NT5DC3: variants seen among roughly 807,000 people sequenced by gnomAD.
NT5DC3 encodes 5'-nucleotidase domain containing 3.
A neutral mutation model predicts 67.8 loss-of-function variants in NT5DC3; 42 were observed. The observed-to-expected ratio is 0.62, with a 90% CI of 0.48 to 0.80. The LOEUF (loss-of-function observed/expected upper bound fraction) is 0.80, where lower values mean the gene tolerates loss of function less well. NT5DC3 is among the 30% of genes least tolerant of loss of function. The pLI is 0.00. For synonymous variants in NT5DC3, 237 were observed against 255.6 expected (o/e 0.93, Z 0.69); for missense variants, 570 against 696.4 (o/e 0.82, Z 2.04).
chr12:103,826,510 C>T (rs1013821599), intron 1 of NT5DC3, among the ~76,000 whole-genome samples: 1 of 152,202 alleles, frequency 6.6e-6, no homozygotes, highest in African/African-American at 2.4e-5. Context: ...CAAGGGGCTA[C>T]AAACAATGTG....
intron 2 of NT5DC3, among the ~76,000 whole-genome samples, chr12:103,809,998 C>A (rs1039075400): frequency 3.3e-5 from 5 of 152,168 alleles, no homozygotes; most frequent in Admixed American, 1.3e-4. Flanking sequence ...AACAAGAATC[C>A]TATCCTTTTG....
chr12:103,837,769 T>G (rs1004879886), intron 1 of NT5DC3, among the ~76,000 whole-genome samples: 1 of 152,228 alleles, frequency 6.6e-6, no homozygotes, highest in Non-Finnish European at 1.5e-5. Flanking sequence ...AGCATTTTTG[T>G]CAAAGCCATT....
intron 9 of NT5DC3, among the ~76,000 whole-genome samples, chr12:103,790,463 A>G (rs1374160568): frequency 6.6e-6 from 1 of 151,690 alleles, no homozygotes; most frequent in African/African-American, 2.4e-5. Context: ...TTTAGTAGAA[A>G]TGGGATTTCA....
the NT5DC3 span, chr12:103,749,222 C>T: frequency 2.9e-5 from 43 of 1,486,740 alleles, no homozygotes; most frequent in African/African-American, 5.6e-4. Flanking sequence ...CTTGCCTTTC[C>T]ACCTCCCATA....
In NT5DC3 at chr12:103,834,134, G is replaced by A. The variant is rs1365882546; in HGVS notation, c.208+6815C>T. 1.1e-4 allele frequency among the ~76,000 whole-genome samples: 16 copies of A among 152,114 alleles called. No homozygotes were observed. The South Asian group carries it at 2.9e-3, about 28-fold the overall frequency. The stretch of plus-strand genomic sequence containing the variant: ...TGTGACAAAAAGGTCTCCAGGCATT[G>A]CCAAACATCCCTTGGGGAACAAAAC... On this transcript the variant is annotated intron_variant, in intron 1 of 13. Coordinates refer to ENST00000392876, the MANE Select transcript of NT5DC3 (RefSeq NM_001031701.3).
Position 103,811,585 on chromosome 12 carries a change from A to G in NT5DC3, c.393+3352T>C, listed in dbSNP as rs186614408. Among the ~76,000 whole-genome samples, 81 of 152,348 alleles carry G rather than the reference A, an allele frequency of 5.3e-4. 1 individual carries two copies. The East Asian group carries it at 0.013, about 25-fold the overall frequency. ...CAAGGAAAGTCAGAGAAGCTGTCAAAGCCAAGAGGCGCCTGAGAGACATGA... is the reference window on the plus strand; with the variant it reads ...CAAGGAAAGTCAGAGAAGCTGTCAAGGCCAAGAGGCGCCTGAGAGACATGA... On this transcript the variant is annotated intron_variant, in intron 2 of 13. Transcript: ENST00000392876.
At chr12:103,792,102 G>T (rs1363256837) in intron 9 of NT5DC3, among the ~76,000 whole-genome samples, 1 of 152,184 alleles carries the variant, frequency 6.6e-6, no homozygotes, top group Non-Finnish European at 1.5e-5. Context: ...TCATGGGACG[G>T]TTTGCGGCTC....
the NT5DC3 span, chr12:103,758,158 T>C: frequency 1.3e-5 from 21 of 1,613,880 alleles, no homozygotes; most frequent in East Asian, 2.2e-5. Flanking sequence ...ATGACTTCCT[T>C]CTTCTCCCCA....
At chr12:103,827,088 A>T (rs562580714) in intron 1 of NT5DC3, among the ~76,000 whole-genome samples, 5 of 152,252 alleles carry the variant, frequency 3.3e-5, no homozygotes, top group African/African-American at 2.4e-5. Context: ...TACTATAAAT[A>T]CAAAAAATTA....
intron 2 of NT5DC3, among the ~76,000 whole-genome samples, chr12:103,810,292 C>T (rs913678097): frequency 7.2e-5 from 11 of 152,170 alleles, no homozygotes; most frequent in African/African-American, 2.7e-4. Context: ...AAAACATCCT[C>T]GTGATTGGCC....
the NT5DC3 span, chr12:103,755,799 C>G: frequency 8.3e-6 from 11 of 1,319,092 alleles, no homozygotes; most frequent in Non-Finnish European, 1.2e-5. Context: ...AGGCCTTAAG[C>G]TGAAGGCCAC....
At chr12:103,810,067 A>G (rs1248747102) in intron 2 of NT5DC3, among the ~76,000 whole-genome samples, 1 of 151,988 alleles carries the variant, frequency 6.6e-6, no homozygotes, top group East Asian at 1.9e-4. Context: ...TGCCTGGCAC[A>G]TGGGAAGTGC....
At chr12:103,783,802 A>AAAC (rs1885654156) in intron 12 of NT5DC3, among the ~76,000 whole-genome samples, 1 of 151,574 alleles carries the variant, frequency 6.6e-6, no homozygotes, top group African/African-American at 2.4e-5. Flanking sequence ...CAAAAAAAAA[A>AAAC]AAAACCTCTT....
the NT5DC3 span, among the ~76,000 whole-genome samples, chr12:103,764,751 C>T: frequency 6.6e-6 from 1 of 151,968 alleles, no homozygotes; most frequent in South Asian, 2.1e-4. Context: ...AACCAGATTG[C>T]AAATCATATT....
chr12:103,820,594 A>C (rs1887451427), intron 1 of NT5DC3, among the ~76,000 whole-genome samples: 1 of 152,184 alleles, frequency 6.6e-6, no homozygotes. Flanking sequence ...CCCTTAGTAC[A>C]GGCCTAGAGC....
At chr12:103,759,367 G>A in the NT5DC3 span, 1 of 1,507,578 alleles carries the variant, frequency 6.6e-7, no homozygotes, top group Non-Finnish European at 8.9e-7. Context: ...CAACTATTAT[G>A]CAAACATAAA....
chr12:103,789,222 G>A (rs1447855439), intron 9 of NT5DC3, among the ~76,000 whole-genome samples: 4 of 152,054 alleles, frequency 2.6e-5, no homozygotes, highest in East Asian at 1.9e-4. Flanking sequence ...TCAGGAGTTC[G>A]AGATCAGCCT....
the NT5DC3 span, among the ~76,000 whole-genome samples, chr12:103,756,975 C>A: frequency 1.6e-5 from 2 of 123,020 alleles, no homozygotes; most frequent in African/African-American, 3.0e-5. Flanking sequence ...CTCTGGGCCT[C>A]AGTAGCCCAG....
At chr12:103,755,453 G>T in the NT5DC3 span, 2 of 1,614,026 alleles carry the variant, frequency 1.2e-6, no homozygotes, top group Non-Finnish European at 1.7e-6. Flanking sequence ...GATGTCTTCT[G>T]CTATCGGATG....
Sources: gnomAD v4.1 joint callset for allele counts (sites outside exome capture counted in the v4.1 genomes callset) on GRCh38, gnomAD v4.1.1 for gene constraint, MANE v1.5 for transcripts, NCBI Gene and HGNC (gene_info 2026-07-23, HGNC 2026-07-21) for gene names.